The following TRABD2B variants were observed in gnomAD, a reference collection of about 807,000 sequenced individuals.
TRABD2B encodes the protein metalloprotease TIKI2.
In TRABD2B, 14 loss-of-function variants were observed where a neutral mutation model predicts 40.1. That is an observed-to-expected ratio of 0.35 (90% CI 0.23 to 0.55). TRABD2B has a LOEUF of 0.55. Ranked by LOEUF, TRABD2B falls within the 20% of genes least tolerant of loss-of-function variation. TRABD2B has a pLI of 0.90. For missense variants in TRABD2B, 541 were observed against 648.6 expected (o/e 0.83, Z 1.80); for synonymous variants, 263 against 277.0 (o/e 0.95, Z 0.50).
chr1:47,787,895 C>T (rs547526751), intron 4 of TRABD2B, among the ~76,000 whole-genome samples: 1 of 152,088 alleles, frequency 6.6e-6, no homozygotes, highest in Non-Finnish European at 1.5e-5. Flanking sequence ...ATCCTGGAGG[C>T]CTATGGGAGC....
At chr1:47,911,183 T>C (rs1234871517) in intron 2 of TRABD2B, among the ~76,000 whole-genome samples, 2 of 152,196 alleles carry the variant, frequency 1.3e-5, no homozygotes, top group East Asian at 3.8e-4. Flanking sequence ...AACAGCCTTA[T>C]AGGGTAATTG....
At chr1:47,822,948 G>A (rs768571695) in intron 2 of TRABD2B, among the ~76,000 whole-genome samples, 1 of 152,220 alleles carries the variant, frequency 6.6e-6, no homozygotes. Context: ...TGGATTATCT[G>A]AGTACCTCCA....
At chr1:47,846,407 A>G (rs979605184) in intron 2 of TRABD2B, among the ~76,000 whole-genome samples, 2 of 152,204 alleles carry the variant, frequency 1.3e-5, no homozygotes, top group African/African-American at 2.4e-5. Context: ...GGTAGAAGTG[A>G]TATGTGCTCA....
intron 2 of TRABD2B, among the ~76,000 whole-genome samples, chr1:47,869,464 G>A (rs559404786): frequency 3.9e-5 from 6 of 152,090 alleles, no homozygotes; most frequent in Admixed American, 6.5e-5. Context: ...ACGGTGGTCC[G>A]CAAAAGAAGA....
chr1:47,839,458 C>T (rs1174093461), intron 2 of TRABD2B, among the ~76,000 whole-genome samples: 1 of 152,216 alleles, frequency 6.6e-6, no homozygotes, highest in Non-Finnish European at 1.5e-5. Context: ...CTGGATGCTA[C>T]AGCTTTCCCT....
chr1:47,955,861 A>G (rs538239010), intron 2 of TRABD2B, among the ~76,000 whole-genome samples: 2 of 152,276 alleles, frequency 1.3e-5, no homozygotes, highest in South Asian at 4.1e-4. Context: ...AGGGGGACAG[A>G]TAGTCTGGCT....
At chr1:47,881,382 T>C (rs1557633545) in intron 2 of TRABD2B, among the ~76,000 whole-genome samples, 1 of 152,220 alleles carries the variant, frequency 6.6e-6, no homozygotes, top group Non-Finnish European at 1.5e-5. Context: ...TTGGACGGTG[T>C]TAAGACAGAA....
intron 2 of TRABD2B, among the ~76,000 whole-genome samples, chr1:47,846,160 T>C (rs1645466135): frequency 6.6e-6 from 1 of 152,194 alleles, no homozygotes; most frequent in Admixed American, 6.5e-5. Context: ...AACCAGCATA[T>C]AGCTAAGATG....
At position 47,863,319 on chromosome 1, in the gene TRABD2B, AAT is replaced by A. The variant is rs35095627; in HGVS notation, c.667-61702_667-61701del. Among the ~76,000 whole-genome samples, 347 of 127,480 alleles carry A rather than the reference AAT, an allele frequency of 2.7e-3. 3 individuals carry two copies. The highest frequency in any genetic ancestry group is 7.4e-3 in the African/African-American group (260 of 34,976). 83.6% of individuals were successfully genotyped at this position (127,480 alleles called of 152,430 possible). The stretch of plus-strand genomic sequence containing the variant: ...TATTTGCAAAAGACTGATAAATATA[AAT>A]ATATATATATATATAGGATAACTGG... On this transcript the variant is annotated intron_variant, in intron 2 of 6. Transcript: ENST00000606738.
chr1:47,987,982 C>CCGA (rs1645945257), intron 2 of TRABD2B, among the ~76,000 whole-genome samples: 1 of 152,172 alleles, frequency 6.6e-6, no homozygotes, highest in African/African-American at 2.4e-5. Flanking sequence ...GGAGAAAAGG[C>CCGA]TTCGGCACGG....
At chr1:47,860,109 C>T (rs984690714) in intron 2 of TRABD2B, among the ~76,000 whole-genome samples, 1 of 152,154 alleles carries the variant, frequency 6.6e-6, no homozygotes, top group Admixed American at 6.5e-5. Flanking sequence ...GTCACTGGCC[C>T]TTGATGTCCT....
chr1:47,863,124 T>C (rs1643998352), intron 2 of TRABD2B, among the ~76,000 whole-genome samples: 1 of 151,674 alleles, frequency 6.6e-6, no homozygotes, highest in African/African-American at 2.4e-5. Flanking sequence ...GAAGGTAACA[T>C]AGAAGAAAAT....
At chr1:47,886,203 C>A (rs1467834795) in intron 2 of TRABD2B, among the ~76,000 whole-genome samples, 26 of 152,146 alleles carry the variant, frequency 1.7e-4, no homozygotes, top group Admixed American at 1.7e-3. Flanking sequence ...ATCATCTAAC[C>A]CACCTCCTCC....
intron 2 of TRABD2B, among the ~76,000 whole-genome samples, chr1:47,867,150 G>C (rs1045054934): frequency 6.6e-6 from 1 of 152,222 alleles, no homozygotes; most frequent in Non-Finnish European, 1.5e-5. Flanking sequence ...TGGCACATCT[G>C]CTTACACATG....
intron 2 of TRABD2B, among the ~76,000 whole-genome samples, chr1:47,935,070 C>T (rs746128894): frequency 5.9e-5 from 9 of 152,168 alleles, no homozygotes; most frequent in Non-Finnish European, 1.0e-4. Context: ...GCTCTGACAC[C>T]CACAGCCTCC....
intron 2 of TRABD2B, among the ~76,000 whole-genome samples, chr1:47,846,510 C>T (rs917941350): frequency 1.3e-5 from 2 of 152,198 alleles, no homozygotes; most frequent in African/African-American, 2.4e-5. Flanking sequence ...TTCATTTCCT[C>T]ACCTGTGGAG....
At chr1:47,873,541 G>A (rs989092014) in intron 2 of TRABD2B, among the ~76,000 whole-genome samples, 5 of 152,218 alleles carry the variant, frequency 3.3e-5, no homozygotes. Flanking sequence ...CACAGAGCAA[G>A]CTCACAGGAC....
intron 2 of TRABD2B, chr1:47,820,241 G>A (rs1645088013): frequency 6.6e-6 from 1 of 152,218 alleles, no homozygotes; most frequent in Non-Finnish European, 1.5e-5. Flanking sequence ...ACAAATGAAT[G>A]AACTGTGTGG....
chr1:47,880,375 C>A (rs1446619226), intron 2 of TRABD2B, among the ~76,000 whole-genome samples: 1 of 152,162 alleles, frequency 6.6e-6, no homozygotes, highest in Non-Finnish European at 1.5e-5. Flanking sequence ...GATCATCAAC[C>A]AATCGATCAT....
Sources: gnomAD v4.1 joint callset for allele counts (sites outside exome capture counted in the v4.1 genomes callset) on GRCh38, gnomAD v4.1.1 for gene constraint, MANE v1.5 for transcripts, NCBI Gene and HGNC (gene_info 2026-07-23, HGNC 2026-07-21) for gene names.